Variants in CFAP36 observed in about 807,000 individuals in gnomAD.
CFAP36 encodes cilia and flagella associated protein 36.
Under a neutral mutation model 50.5 loss-of-function variants are expected in CFAP36, and 37 were observed. The observed-to-expected ratio is 0.73, with a 90% CI of 0.56 to 0.96. The LOEUF (loss-of-function observed/expected upper bound fraction) is 0.96, where lower values mean the gene tolerates loss of function less well. CFAP36 is among the 50% of genes least tolerant of loss of function. The pLI is 0.00. For missense variants in CFAP36, 407 were observed against 396.2 expected, an observed-to-expected ratio of 1.03 and a Z score of -0.23; for synonymous variants, 138 against 128.2, an observed-to-expected ratio of 1.08 and a Z score of -0.52.
At chr2:55,522,588 C>T (rs369861003) in intron 2 of CFAP36, among the ~76,000 whole-genome samples, 6 of 152,258 alleles carry the variant, frequency 3.9e-5, no homozygotes, top group African/African-American at 1.4e-4. Flanking sequence ...CAGGCTCAAG[C>T]GATCCTCCCA....
chr2:55,544,088 A>G lies in CFAP36; in HGVS notation c.777+14A>G. ...GGACCAATAGCAGTAAGTAAACGAC[A>G]TCACTTAAGAACTATAAGCAAAATG... On this transcript the variant is annotated intron_variant, in intron 8 of 9. Coordinates refer to ENST00000349456, the MANE Select transcript of CFAP36 (RefSeq NM_080667.7). The G allele has an allele frequency of 1.9e-6, 3 of 1,613,276 alleles. No homozygotes were observed. Among genetic ancestry groups the G allele is most frequent in the Non-Finnish European group, 2.5e-6 (3 of 1,179,774 alleles).
At chr2:55,526,134 G>C (rs1684202248) in intron 3 of CFAP36, among the ~76,000 whole-genome samples, 1 of 152,162 alleles carries the variant, frequency 6.6e-6, no homozygotes, top group African/African-American at 2.4e-5. Flanking sequence ...TACTTAACTA[G>C]GCCAATTGTA....
chr2:55,544,785 T>C (rs987402140), intron 9 of CFAP36, 122 bp from the exon 10 acceptor site: 13 of 638,462 alleles, frequency 2.0e-5, no homozygotes, highest in Non-Finnish European at 3.3e-5. Context: ...AGTCTATGTC[T>C]GTCTCTCCCT....
chr2:55,526,885 G>A (rs943135235), intron 3 of CFAP36, among the ~76,000 whole-genome samples: 8 of 152,284 alleles, frequency 5.3e-5, no homozygotes, highest in Middle Eastern at 3.4e-3. Flanking sequence ...AGAATTAGCT[G>A]GGCATGGTGA....
At chr2:55,525,816 G>C (rs1169788715) in intron 3 of CFAP36, among the ~76,000 whole-genome samples, 1 of 152,100 alleles carries the variant, frequency 6.6e-6, no homozygotes, top group African/African-American at 2.4e-5. Context: ...ATTTTTAGTA[G>C]AGGCAGGGTT....
At position 55,523,839 on chromosome 2, in the gene CFAP36, A is replaced by G; in HGVS notation, c.282+17A>G. 6.5e-7 allele frequency: 1 copy of G among 1,531,462 alleles called. No homozygotes were observed. Among genetic ancestry groups the G allele is most frequent in the Non-Finnish European group, 8.9e-7 (1 of 1,118,376 alleles). The allele number at this position is 1,531,462 out of a possible 1,614,324, so 94.9% of individuals were successfully genotyped here. ...ACATCACAGGTTTTTGCTTTGTGTT[A>G]TTCTGCTAACATACAGTTTTAACAA... On this transcript the variant is annotated intron_variant, in intron 3 of 9. Transcript: ENST00000349456.
intron 7 of CFAP36, chr2:55,539,040 C>A: frequency 2.9e-6 from 2 of 701,124 alleles, no homozygotes; most frequent in African/African-American, 1.9e-5. Flanking sequence ...TGCCCTAGTA[C>A]ATGCCTAGCC....
At chr2:55,530,422 C>T (rs906855678) in intron 4 of CFAP36, among the ~76,000 whole-genome samples, 18 of 152,320 alleles carry the variant, frequency 1.2e-4, no homozygotes, top group Non-Finnish European at 2.1e-4. Context: ...GATGCTGAAG[C>T]TGCTAGTCCT....
chr2:55,531,252 G>A (rs1445657689), intron 4 of CFAP36: 1 of 152,168 alleles, frequency 6.6e-6, no homozygotes, highest in Non-Finnish European at 1.5e-5. Flanking sequence ...TCTGACTTAC[G>A]GGTTAGACAA....
chr2:55,523,881 A>C, intron 3 of CFAP36, 59 bp downstream of exon 3: 1 of 1,043,028 alleles, frequency 9.6e-7, no homozygotes. Flanking sequence ...AGGGTTAAAC[A>C]CTCACTTAAA....
Position 55,544,996 on chromosome 2 carries a change from T to TATTA in CFAP36, c.1020_1023dup (p.Lys342Ter), listed in dbSNP as rs745461568. The TATTA allele has an allele frequency of 2.2e-5, 34 of 1,553,042 alleles. No individual in the cohort carries two copies. Among genetic ancestry groups the TATTA allele is most frequent in the Non-Finnish European group, 3.0e-5 (34 of 1,136,852 alleles). ...TTGCAGAGAAACTCAAAGAAGAAGT[T>TATTA]ATTAATAAGTAATAATTAAGAACAA... is the stretch of plus-strand genomic sequence containing the variant. On this transcript the variant is annotated frameshift_variant, in exon 10 of 10. Coordinates refer to ENST00000349456, the MANE Select transcript of CFAP36 (RefSeq NM_080667.7). LOFTEE classifies it high-confidence loss of function.
intron 7 of CFAP36, among the ~76,000 whole-genome samples, chr2:55,543,235 T>C (rs1684686454): frequency 6.6e-6 from 1 of 152,174 alleles, no homozygotes; most frequent in African/African-American, 2.4e-5. Context: ...GAAAATGTTT[T>C]ATCTTTTTAA....
chr2:55,525,495 T>TA (rs1236668557), intron 3 of CFAP36, among the ~76,000 whole-genome samples: 2 of 152,166 alleles, frequency 1.3e-5, no homozygotes, highest in African/African-American at 4.8e-5. Flanking sequence ...CATCTTCTAC[T>TA]AAATAAACTG....
chr2:55,539,456 T>C (rs1376133094), intron 7 of CFAP36: 1 of 152,230 alleles, frequency 6.6e-6, no homozygotes, highest in Non-Finnish European at 1.5e-5. Context: ...TTGTAGCTCA[T>C]TTCTTTTTAG....
At chr2:55,519,996 C>A in intron 1 of CFAP36, 80 bp downstream of exon 1, 1 of 1,279,798 alleles carries the variant, frequency 7.8e-7, no homozygotes, top group Non-Finnish European at 1.1e-6. Context: ...AACCACAAGC[C>A]ATCTCTCGTC....
intron 9 of CFAP36, among the ~76,000 whole-genome samples, chr2:55,544,604 C>T (rs1164065964): frequency 6.6e-6 from 1 of 152,126 alleles, no homozygotes; most frequent in Non-Finnish European, 1.5e-5. Flanking sequence ...TGTTTCTTTA[C>T]TTGCCCTTCT....
At chr2:55,522,073 C>T (rs1403264995) in intron 1 of CFAP36, 29 bp from the exon 2 acceptor site, 3 of 1,152,720 alleles carry the variant, frequency 2.6e-6, no homozygotes, top group African/African-American at 3.1e-5. Flanking sequence ...TTGGTTTTTA[C>T]ACTATGTAAT....
chr2:55,528,864 A>G lies in CFAP36; in HGVS notation c.283-14A>G, dbSNP rs371609056. 2.3e-5 allele frequency: 35 copies of G among 1,522,946 alleles called. No homozygotes were observed. In the African/African-American group the frequency reaches 4.6e-4, roughly 20 times the overall value. 94.3% of individuals were successfully genotyped at this position (1,522,946 alleles called of 1,614,324 possible). A position where few individuals can be genotyped will look rare whatever the true frequency, so the allele number is the denominator to read the frequency against. On this transcript the variant is annotated splice_polypyrimidine_tract_variant and intron_variant, in intron 3 of 9. Coordinates refer to ENST00000349456, the MANE Select transcript of CFAP36 (RefSeq NM_080667.7). Reference sequence around the variant, plus strand: ...AACTTGAATCTTCATTTCACTTGAGACTTCTTTCCACAGGCCATTTTGCAA... The same window carrying G: ...AACTTGAATCTTCATTTCACTTGAGGCTTCTTTCCACAGGCCATTTTGCAA...
chr2:55,531,996 C>T (rs1403499068), intron 4 of CFAP36, among the ~76,000 whole-genome samples: 1 of 152,146 alleles, frequency 6.6e-6, no homozygotes. Context: ...TAAGGTAATA[C>T]TTAGTTTCTG....
Sources: gnomAD v4.1 joint callset for allele counts (sites outside exome capture counted in the v4.1 genomes callset) on GRCh38, gnomAD v4.1.1 for gene constraint, MANE v1.5 for transcripts, NCBI Gene and HGNC (gene_info 2026-07-23, HGNC 2026-07-21) for gene names.